Variants in SAMTOR observed in about 807,000 individuals in gnomAD.
SAMTOR encodes S-adenosylmethionine sensor upstream of mTORC1, also known as UPF0532 protein C7orf60.
At chr7:112,936,988 T>G in the SAMTOR span, among the ~76,000 whole-genome samples, 1 of 152,222 alleles carries the variant, frequency 6.6e-6, no homozygotes, top group Non-Finnish European at 1.5e-5. Context: ...ATATGTATAG[T>G]ATTAATAATG....
chr7:112,890,937 G>T, the SAMTOR span, among the ~76,000 whole-genome samples: 1 of 152,170 alleles, frequency 6.6e-6, no homozygotes, highest in East Asian at 1.9e-4. Context: ...CAATCCACCT[G>T]TCTTGGCCTC....
chr7:112,938,972 A>G, the SAMTOR span, among the ~76,000 whole-genome samples: 16 of 152,216 alleles, frequency 1.1e-4, no homozygotes, highest in African/African-American at 2.9e-4. Context: ...GTTAAGACCA[A>G]GTATTTAAGA....
At chr7:112,877,096 A>C in the SAMTOR span, among the ~76,000 whole-genome samples, 1 of 152,208 alleles carries the variant, frequency 6.6e-6, no homozygotes, top group African/African-American at 2.4e-5. Context: ...AAGAGGAAGA[A>C]ACATGCTCTA....
chr7:112,899,027 C>CA, the SAMTOR span, among the ~76,000 whole-genome samples: 1 of 152,104 alleles, frequency 6.6e-6, no homozygotes, highest in Non-Finnish European at 1.5e-5. Flanking sequence ...CTTCTATGCC[C>CA]AGACACTGAA....
the SAMTOR span, among the ~76,000 whole-genome samples, chr7:112,838,020 T>C: frequency 6.6e-6 from 1 of 151,878 alleles, no homozygotes; most frequent in African/African-American, 2.4e-5. Context: ...CAACACCATA[T>C]GTGGGGGTTG....
At chr7:112,835,277 T>C in the SAMTOR span, among the ~76,000 whole-genome samples, 1 of 152,158 alleles carries the variant, frequency 6.6e-6, no homozygotes, top group Admixed American at 6.6e-5. Context: ...AAATGACATT[T>C]GTGTTTCATC....
the SAMTOR span, among the ~76,000 whole-genome samples, chr7:112,919,029 A>C: frequency 4.6e-5 from 7 of 152,172 alleles, no homozygotes; most frequent in Non-Finnish European, 1.5e-5. Context: ...GTCAACATTA[A>C]ACAGATCAAC....
the SAMTOR span, among the ~76,000 whole-genome samples, chr7:112,892,377 A>C: frequency 9.9e-5 from 15 of 152,158 alleles, no homozygotes; most frequent in Non-Finnish European, 2.2e-4. Context: ...TGGCATCTAG[A>C]ATGGTGAGTC....
At chr7:112,897,347 T>G in the SAMTOR span, among the ~76,000 whole-genome samples, 1 of 152,210 alleles carries the variant, frequency 6.6e-6, no homozygotes, top group African/African-American at 2.4e-5. Flanking sequence ...ATGTAGACTT[T>G]ATCAACTTGA....
At chr7:112,823,904 C>T in the SAMTOR span, among the ~76,000 whole-genome samples, 2 of 152,148 alleles carry the variant, frequency 1.3e-5, no homozygotes, top group African/African-American at 4.8e-5. Context: ...CTGCATTTTC[C>T]TAATGAGTTA....
chr7:112,884,818 G>T, the SAMTOR span, among the ~76,000 whole-genome samples: 2 of 152,190 alleles, frequency 1.3e-5, no homozygotes, highest in African/African-American at 4.8e-5. Context: ...AACTCTGCTA[G>T]GCAGTGCCCC....
the SAMTOR span, among the ~76,000 whole-genome samples, chr7:112,937,670 G>A: frequency 6.6e-6 from 1 of 150,462 alleles, no homozygotes; most frequent in East Asian, 1.9e-4. Context: ...GCAAAGCCTA[G>A]AGAAGTCTAG....
the SAMTOR span, among the ~76,000 whole-genome samples, chr7:112,910,493 G>C: frequency 6.6e-5 from 10 of 152,214 alleles, no homozygotes; most frequent in East Asian, 5.8e-4. Flanking sequence ...ACTGTTTGTT[G>C]AAAGACTGTT....
the SAMTOR span, among the ~76,000 whole-genome samples, chr7:112,918,501 T>A: frequency 6.6e-6 from 1 of 152,100 alleles, no homozygotes; most frequent in African/African-American, 2.4e-5. Flanking sequence ...TCATGCCAAA[T>A]TGTAAAGACC....
the SAMTOR span, among the ~76,000 whole-genome samples, chr7:112,839,687 G>T: frequency 9.2e-5 from 14 of 151,666 alleles, no homozygotes; most frequent in Non-Finnish European, 1.6e-4. Flanking sequence ...ATGAATCCTG[G>T]ATCAAACAAC....
chr7:112,932,804 A>G, the SAMTOR span, among the ~76,000 whole-genome samples: 1 of 152,210 alleles, frequency 6.6e-6, no homozygotes, highest in African/African-American at 2.4e-5. Context: ...TGATTAATAA[A>G]AACCCAGATC....
At chr7:112,931,834 T>C in the SAMTOR span, among the ~76,000 whole-genome samples, 1 of 152,212 alleles carries the variant, frequency 6.6e-6, no homozygotes, top group Non-Finnish European at 1.5e-5. Flanking sequence ...GTAACTAGTA[T>C]AAATTTCACT....
the SAMTOR span, among the ~76,000 whole-genome samples, chr7:112,930,091 C>T: frequency 1.6e-4 from 25 of 152,188 alleles, no homozygotes; most frequent in African/African-American, 5.3e-4. Flanking sequence ...CCTAAGATGC[C>T]TTATCTGTAG....
At chr7:112,876,434 A>AT in the SAMTOR span, among the ~76,000 whole-genome samples, 4 of 151,936 alleles carry the variant, frequency 2.6e-5, no homozygotes, top group African/African-American at 9.7e-5. Context: ...TCTTTTTCTC[A>AT]TTTTTTACCC....
Sources: allele counts gnomAD v4.1 joint callset (sites outside exome capture counted in the v4.1 genomes callset), GRCh38; gene constraint gnomAD v4.1.1; transcripts MANE v1.5; gene names NCBI Gene and HGNC (gene_info 2026-07-23, HGNC 2026-07-21).